Variants in EFHC1 observed in about 807,000 individuals in gnomAD.
EFHC1 encodes EF-hand domain-containing protein 1.
In EFHC1, 53 loss-of-function variants were observed where a neutral mutation model predicts 69.9. The observed-to-expected ratio is 0.76, with a 90% confidence interval of 0.61 to 0.95. The LOEUF (loss-of-function observed/expected upper bound fraction) is 0.95, where lower values mean the gene tolerates loss of function less well. Ranked by LOEUF, EFHC1 falls within the 40% of genes least tolerant of loss-of-function variation. The pLI is 0.00. For synonymous variants in EFHC1, 256 were observed against 278.4 expected (o/e 0.92, Z 0.80); for missense variants, 739 against 798.7 (o/e 0.93, Z 0.90).
chr6:52,463,194 A>ATTT (rs35702967), intron 5 of EFHC1, among the ~76,000 whole-genome samples: 1,503 of 132,950 alleles, frequency 0.011, 21 homozygotes, highest in South Asian at 0.053. Context: ...CACCCAGCTA[A>ATTT]TTTTTTTTTT....
In EFHC1 at chr6:52,492,987, A is replaced by T. The variant is rs942737104; in HGVS notation, c.*646A>T. 3.3e-5 allele frequency: 15 copies of T among 453,986 alleles called. No individual in the cohort carries two copies. The highest frequency in any genetic ancestry group is 6.8e-4 in the Middle Eastern group (1 of 1,464). The allele number at this position is 453,986 out of a possible 1,614,324, so 28.1% of individuals were successfully genotyped here. On this transcript the variant is annotated 3_prime_UTR_variant, in exon 11 of 11. Transcript: ENST00000371068. ...ATGAGATAAACATTTGAATCAGAAG[A>T]CTAAGTAAAACAGATAGTCCTCCCT...
At chr6:52,463,932 G>C (rs767397365) in intron 5 of EFHC1, among the ~76,000 whole-genome samples, 1 of 152,142 alleles carries the variant, frequency 6.6e-6, no homozygotes, top group Non-Finnish European at 1.5e-5. Flanking sequence ...TCAAGGGCTG[G>C]AGTTCAAACT....
chr6:52,470,086 T>A (rs1418688927), intron 7 of EFHC1, among the ~76,000 whole-genome samples: 1 of 152,226 alleles, frequency 6.6e-6, no homozygotes, highest in South Asian at 2.1e-4. Context: ...TGAACATAAA[T>A]AGCAGAAGTT....
intron 7 of EFHC1, among the ~76,000 whole-genome samples, chr6:52,475,203 G>A (rs545886053): frequency 6.6e-6 from 1 of 152,088 alleles, no homozygotes; most frequent in Non-Finnish European, 1.5e-5. Context: ...GTATTCATTA[G>A]ACTCATCACA....
At chr6:52,477,264 A>G (rs1290178992) in intron 7 of EFHC1, among the ~76,000 whole-genome samples, 4 of 152,168 alleles carry the variant, frequency 2.6e-5, no homozygotes, top group East Asian at 3.9e-4. Flanking sequence ...TGGGTGTACA[A>G]TCCAAATGAT....
At position 52,453,000 on chromosome 6, in the gene EFHC1, C is replaced by T. The variant is rs542642973; in HGVS notation, c.723+163C>T. ...GTCTTTCTGCTTTCATCAAGGGTTA[C>T]AGGTACAGGAATGCCTACATTTCAT... On this transcript the variant is annotated intron_variant, in intron 4 of 10. Transcript: ENST00000371068. The T allele has an allele frequency of 1.4e-5, 21 of 1,550,328 alleles. No individual in the cohort carries two copies. In the African/African-American group the frequency reaches 2.6e-4, roughly 19 times the overall value.
chr6:52,427,894 T>C (rs558529322), intron 2 of EFHC1, among the ~76,000 whole-genome samples: 1 of 151,884 alleles, frequency 6.6e-6, no homozygotes, highest in South Asian at 2.1e-4. Context: ...AATACAAATA[T>C]TTTTATGTTT....
rs1197254381 is a variant in EFHC1, at chr6:52,438,594, A to G, written c.573+3A>G. 1 of 1,613,954 alleles carries G rather than the reference A, an allele frequency of 6.2e-7. No homozygotes were observed. The highest frequency in any genetic ancestry group is 1.1e-5 in the South Asian group (1 of 91,078). ...TTGACTGTGACCAATTCACACAGGT[A>G]TAGCATATATTTTTGAAAGTTGTGG... is the stretch of plus-strand genomic sequence containing the variant. On this transcript the variant is annotated splice_donor_region_variant and intron_variant, in intron 3 of 10. Transcript: ENST00000371068.
intron 9 of EFHC1, chr6:52,482,453 C>A: frequency 5.0e-6 from 1 of 200,418 alleles, no homozygotes; most frequent in Non-Finnish European, 9.9e-6. Flanking sequence ...ATTTAAAACA[C>A]TGATAACATT....
chr6:52,453,871 T>C (rs776111548), intron 4 of EFHC1: 21 of 1,380,190 alleles, frequency 1.5e-5, no homozygotes, highest in Non-Finnish European at 2.0e-5. Context: ...CACAAACTTA[T>C]AATCCTATTA....
chr6:52,490,044 G>A, intron 9 of EFHC1, 96 bp from the exon 10 acceptor site: 1 of 1,143,410 alleles, frequency 8.7e-7, no homozygotes, highest in Non-Finnish European at 1.3e-6. Flanking sequence ...GTGATTAGAA[G>A]CTTCCCTGAT....
At chr6:52,461,699 G>A (rs1765171274) in intron 5 of EFHC1, among the ~76,000 whole-genome samples, 1 of 152,020 alleles carries the variant, frequency 6.6e-6, no homozygotes, top group Non-Finnish European at 1.5e-5. Flanking sequence ...ATATATAAAA[G>A]TGTTTTTAAA....
chr6:52,453,893 C>G (rs1309906663), intron 4 of EFHC1: 7 of 1,424,346 alleles, frequency 4.9e-6, no homozygotes, highest in Non-Finnish European at 6.5e-6. Context: ...TTAATTCTTT[C>G]CAGCTGCTGA....
intron 2 of EFHC1, chr6:52,428,106 A>C (rs560313146): frequency 6.6e-6 from 1 of 152,316 alleles, no homozygotes; most frequent in Non-Finnish European, 1.5e-5. Context: ...CAGTATTTAA[A>C]TATAATTTTT....
At chr6:52,467,894 A>G (rs1439971359) in intron 6 of EFHC1, among the ~76,000 whole-genome samples, 1 of 152,226 alleles carries the variant, frequency 6.6e-6, no homozygotes, top group Non-Finnish European at 1.5e-5. Flanking sequence ...TTAACCCTAA[A>G]TAACATAAAT....
intron 10 of EFHC1, 173 bp downstream of exon 10, chr6:52,490,523 C>T: frequency 1.6e-6 from 1 of 643,778 alleles, no homozygotes; most frequent in Non-Finnish European, 2.7e-6. Context: ...CATTGGTATT[C>T]TTTTCTAATT....
intron 5 of EFHC1, among the ~76,000 whole-genome samples, chr6:52,455,501 A>C (rs1481151576): frequency 1.3e-5 from 2 of 152,060 alleles, no homozygotes; most frequent in Non-Finnish European, 2.9e-5. Flanking sequence ...AAAAATACAA[A>C]AAATTAGCTG....
chr6:52,483,234 G>A (rs1336663875), intron 9 of EFHC1: 5 of 173,338 alleles, frequency 2.9e-5, no homozygotes, highest in Non-Finnish European at 1.2e-5. Context: ...GTTGTTGGGG[G>A]AATGGGTTAT....
chr6:52,442,629 C>T (rs975357208), intron 3 of EFHC1, among the ~76,000 whole-genome samples: 4 of 152,194 alleles, frequency 2.6e-5, no homozygotes, highest in Non-Finnish European at 5.9e-5. Flanking sequence ...ATGAGCTCAT[C>T]ATTTTTTATG....
Sources: allele counts gnomAD v4.1 joint callset (sites outside exome capture counted in the v4.1 genomes callset), GRCh38; gene constraint gnomAD v4.1.1; transcripts MANE v1.5; gene names NCBI Gene and HGNC (gene_info 2026-07-23, HGNC 2026-07-21).